Variants in KIZ observed in about 807,000 individuals in gnomAD.
KIZ encodes kizuna centrosomal protein.
Under a neutral mutation model 79.6 loss-of-function variants are expected in KIZ, and 68 were observed. The observed-to-expected ratio is 0.85, with a 90% CI of 0.70 to 1.05. KIZ has a LOEUF of 1.05. Ranked by LOEUF, KIZ falls within the 50% of genes least tolerant of loss-of-function variation. The pLI, the probability that KIZ is intolerant of heterozygous loss-of-function variation, is 0.00. For missense variants in KIZ, 797 were observed against 800.4 expected (o/e 1.00, Z 0.05); for synonymous variants, 280 against 281.8 (o/e 0.99, Z 0.06).
chr20:21,145,255 G>A (rs573221630), intron 3 of KIZ, among the ~76,000 whole-genome samples: 196 of 151,628 alleles, frequency 1.3e-3, no homozygotes, highest in Non-Finnish European at 2.2e-3. Context: ...TTGTGATAAA[G>A]TATCAAACTG....
intron 6 of KIZ, among the ~76,000 whole-genome samples, chr20:21,164,053 C>T (rs1429174575): frequency 1.3e-5 from 2 of 152,210 alleles, no homozygotes; most frequent in Admixed American, 6.5e-5. Flanking sequence ...GAACACCCCA[C>T]AGCCTGTCTG....
intron 4 of KIZ, among the ~76,000 whole-genome samples, chr20:21,160,456 T>C (rs1313785880): frequency 6.6e-6 from 1 of 152,144 alleles, no homozygotes; most frequent in Middle Eastern, 3.2e-3. Flanking sequence ...GCTTCTACCA[T>C]GTAAGGACAC....
At chr20:21,242,802 C>T (rs779365671) in intron 11 of KIZ, among the ~76,000 whole-genome samples, 18 of 152,132 alleles carry the variant, frequency 1.2e-4, no homozygotes, top group African/African-American at 3.6e-4. Context: ...TTGGAGGTGC[C>T]GGGCTTCCTC....
At chr20:21,188,009 C>T (rs2034956908) in intron 6 of KIZ, among the ~76,000 whole-genome samples, 1 of 152,206 alleles carries the variant, frequency 6.6e-6, no homozygotes, top group South Asian at 2.1e-4. Flanking sequence ...TTCTCCCACT[C>T]TCCTGTACCT....
chr20:21,141,033 A>C (rs2032493200), intron 3 of KIZ, among the ~76,000 whole-genome samples: 1 of 152,010 alleles, frequency 6.6e-6, no homozygotes, highest in African/African-American at 2.4e-5. Flanking sequence ...ATAATAAAGT[A>C]AATTAAAAAA....
intron 4 of KIZ, among the ~76,000 whole-genome samples, chr20:21,152,291 C>T (rs560723587): frequency 3.3e-5 from 5 of 152,204 alleles, no homozygotes; most frequent in African/African-American, 7.2e-5. Context: ...AATTTTTATA[C>T]GATTTTAAAA....
chr20:21,143,156 A>G (rs2032663674), intron 3 of KIZ, among the ~76,000 whole-genome samples: 1 of 152,178 alleles, frequency 6.6e-6, no homozygotes, highest in South Asian at 2.1e-4. Context: ...GCTTAGTTGC[A>G]TCTCTCATAC....
Position 21,162,219 on chromosome 20 carries a change from T to G in KIZ, c.754T>G (p.Leu252Val), listed in dbSNP as rs760102654. Residue 252 changes from leucine to valine, a missense_variant, in exon 5 of 13, where the codon TTG becomes GTG. Leu to Val is a conservative substitution (Grantham distance 32). Coordinates refer to ENST00000619189, the MANE Select transcript of KIZ (RefSeq NM_018474.6). ...VLSEEEQTHC[L>V]EIGSNTRHGK... ...GTCTGAGGAGGAACAAACTCATTGCTTGGAGATAGGAAGTAACACACGTCA... is the reference window on the plus strand; with the variant it reads ...GTCTGAGGAGGAACAAACTCATTGCGTGGAGATAGGAAGTAACACACGTCA... The G allele has an allele frequency of 3.7e-6, 6 of 1,613,790 alleles. No homozygotes were observed. The highest frequency in any genetic ancestry group is 5.1e-6 in the Non-Finnish European group (6 of 1,179,806).
intron 2 of KIZ, among the ~76,000 whole-genome samples, chr20:21,132,639 G>A (rs2031926486): frequency 6.6e-6 from 1 of 152,020 alleles, no homozygotes; most frequent in African/African-American, 2.4e-5. Flanking sequence ...GAAATAAACA[G>A]TGCAGTTTAA....
chr20:21,223,786 C>T (rs2036576237), intron 9 of KIZ, among the ~76,000 whole-genome samples: 1 of 151,062 alleles, frequency 6.6e-6, no homozygotes, highest in Non-Finnish European at 1.5e-5. Flanking sequence ...TCTCATGCCT[C>T]AGCCTCCTGA....
At position 21,244,279 on chromosome 20, in the gene KIZ, A is replaced by C; in HGVS notation, c.1915A>C (p.Lys639Gln). ...CAAAAAGAAACCCGTGATCAATTTA[A>C]AATCTAATGGTGAGAGAGATAATCG... is the stretch of plus-strand genomic sequence containing the variant. ...ENKKKPVINL[K>Q]SNALWDESDD... Residue 639 changes from lysine (K) to glutamine (Q), a missense_variant, in exon 12 of 13, where the codon AAA becomes CAA. Transcript: ENST00000619189. 6.3e-7 allele frequency: 1 copy of C among 1,598,636 alleles called. No homozygotes were observed.
At chr20:21,225,312 T>C (rs1436891705) in intron 9 of KIZ, among the ~76,000 whole-genome samples, 1 of 152,216 alleles carries the variant, frequency 6.6e-6, no homozygotes, top group Admixed American at 6.5e-5. Context: ...TCTGTGTGTA[T>C]CAGAACATTC....
chr20:21,187,125 A>G (rs1156652169), intron 6 of KIZ, among the ~76,000 whole-genome samples: 1 of 152,184 alleles, frequency 6.6e-6, no homozygotes, highest in African/African-American at 2.4e-5. Context: ...AAAAAAAAAC[A>G]CAATTCAAAA....
intron 6 of KIZ, among the ~76,000 whole-genome samples, chr20:21,191,435 G>A (rs11906053): frequency 0.1 from 15,725 of 152,280 alleles, 1,455 homozygotes; most frequent in African/African-American, 0.25. Context: ...GGGCTTTTGG[G>A]GAACTCCCCA....
At chr20:21,170,431 C>T (rs1420725956) in intron 6 of KIZ, among the ~76,000 whole-genome samples, 1 of 151,230 alleles carries the variant, frequency 6.6e-6, no homozygotes, top group African/African-American at 2.4e-5. Flanking sequence ...CTCTGTCGCC[C>T]AGGCTGGAGT....
At chr20:21,173,615 C>A (rs1049866796) in intron 6 of KIZ, among the ~76,000 whole-genome samples, 2 of 144,702 alleles carry the variant, frequency 1.4e-5, no homozygotes, top group Non-Finnish European at 3.0e-5. Context: ...CAGCTGGATT[C>A]TTTATGGATT....
intron 6 of KIZ, among the ~76,000 whole-genome samples, chr20:21,182,325 C>T (rs2034688404): frequency 6.6e-6 from 1 of 152,172 alleles, no homozygotes; most frequent in South Asian, 2.1e-4. Flanking sequence ...CCTTATATAG[C>T]TTCCAAAGAC....
At chr20:21,173,652 T>G (rs1373326146) in intron 6 of KIZ, among the ~76,000 whole-genome samples, 7 of 142,656 alleles carry the variant, frequency 4.9e-5, no homozygotes, top group African/African-American at 1.3e-4. Context: ...AGAAAGGGAG[T>G]AGAAGGATGA....
intron 10 of KIZ, among the ~76,000 whole-genome samples, chr20:21,230,386 G>A (rs1214411267): frequency 6.6e-6 from 1 of 152,134 alleles, no homozygotes; most frequent in Non-Finnish European, 1.5e-5. Flanking sequence ...AAGGTGGGAG[G>A]ATCACTTGAG....
Sources: allele counts gnomAD v4.1 joint callset (sites outside exome capture counted in the v4.1 genomes callset), GRCh38; gene constraint gnomAD v4.1.1; transcripts MANE v1.5; gene names NCBI Gene and HGNC (gene_info 2026-07-23, HGNC 2026-07-21).